Variants in SGCZ observed in about 807,000 individuals in gnomAD.
The protein encoded by SGCZ is sarcoglycan zeta.
In SGCZ, 40 loss-of-function variants were observed where a neutral mutation model predicts 41.3. The ratio of observed to expected loss-of-function variants is 0.97; its 90% confidence interval spans 0.75 to 1.26. The LOEUF is 1.26. Among genes scored for constraint, SGCZ ranks in the 50% most tolerant of loss-of-function variants. The pLI, the probability that SGCZ is intolerant of heterozygous loss-of-function variation, is 0.00. For missense variants in SGCZ, 552 were observed against 369.8 expected, an observed-to-expected ratio of 1.49 and a Z score of -4.04; for synonymous variants, 206 against 137.5, an observed-to-expected ratio of 1.50 and a Z score of -3.49.
At chr8:14,259,592 G>C (rs28742144) in intron 3 of SGCZ, among the ~76,000 whole-genome samples, 24,925 of 105,976 alleles carry the variant, frequency 0.24, 3,587 homozygotes, top group Non-Finnish European at 0.34. Context: ...GCTTGTTTTT[G>C]TCAGGTTTGT....
At chr8:14,335,772 A>C (rs1293697503) in intron 2 of SGCZ, among the ~76,000 whole-genome samples, 1 of 152,054 alleles carries the variant, frequency 6.6e-6, no homozygotes, top group Admixed American at 6.6e-5. Flanking sequence ...CATTTCCTTC[A>C]ACAGTCTTCC....
intron 1 of SGCZ, among the ~76,000 whole-genome samples, chr8:15,169,236 G>A (rs1212510305): frequency 1.3e-5 from 2 of 152,182 alleles, no homozygotes; most frequent in African/African-American, 4.8e-5. Context: ...TCTAAGGGCA[G>A]TTAGATGTAC....
At chr8:14,335,600 C>A (rs959549331) in intron 2 of SGCZ, among the ~76,000 whole-genome samples, 2 of 152,126 alleles carry the variant, frequency 1.3e-5, no homozygotes, top group African/African-American at 2.4e-5. Flanking sequence ...TTAGCTAAAT[C>A]AAGCTCCTGC....
At chr8:14,249,842 C>A (rs1267142402) in intron 3 of SGCZ, among the ~76,000 whole-genome samples, 2 of 152,068 alleles carry the variant, frequency 1.3e-5, no homozygotes, top group African/African-American at 2.4e-5. Flanking sequence ...AGCCCCTGAG[C>A]CTCCTTGCAA....
At chr8:15,182,812 G>A (rs1163827438) in intron 1 of SGCZ, among the ~76,000 whole-genome samples, 1 of 152,014 alleles carries the variant, frequency 6.6e-6, no homozygotes, top group Admixed American at 6.6e-5. Flanking sequence ...CTTTATCAAG[G>A]TTATAATTTT....
intron 2 of SGCZ, among the ~76,000 whole-genome samples, chr8:14,417,594 TG>T (rs1418903499): frequency 2.6e-5 from 4 of 151,842 alleles, no homozygotes; most frequent in Admixed American, 6.6e-5. Flanking sequence ...ATTACCTAAT[TG>T]TCACATAGAA....
chr8:14,229,713 C>T (rs1208600683), intron 4 of SGCZ, among the ~76,000 whole-genome samples: 1 of 151,716 alleles, frequency 6.6e-6, no homozygotes, highest in African/African-American at 2.4e-5. Context: ...AATCCATAAC[C>T]TTCTACTTTT....
chr8:14,996,015 T>C (rs1473544272), intron 1 of SGCZ, among the ~76,000 whole-genome samples: 1 of 152,050 alleles, frequency 6.6e-6, no homozygotes, highest in Non-Finnish European at 1.5e-5. Flanking sequence ...GTGATTCTCC[T>C]GCCTCAGCCT....
At chr8:14,845,685 T>C (rs1231774330) in intron 1 of SGCZ, among the ~76,000 whole-genome samples, 1 of 152,062 alleles carries the variant, frequency 6.6e-6, no homozygotes, top group Non-Finnish European at 1.5e-5. Flanking sequence ...AACTACAACA[T>C]CTTGAATGAA....
intron 1 of SGCZ, among the ~76,000 whole-genome samples, chr8:15,116,201 G>C (rs1393636239): frequency 1.3e-5 from 2 of 152,044 alleles, no homozygotes; most frequent in African/African-American, 4.8e-5. Flanking sequence ...TTAAATGTAA[G>C]CTCTGTATTT....
intron 1 of SGCZ, among the ~76,000 whole-genome samples, chr8:15,069,943 G>GACAC (rs370137866): frequency 6.0e-5 from 9 of 150,168 alleles, no homozygotes; most frequent in Non-Finnish European, 1.2e-4. Context: ...CACACACAAA[G>GACAC]ACACACACAC....
intron 1 of SGCZ, among the ~76,000 whole-genome samples, chr8:14,699,517 G>A (rs1341600046): frequency 6.6e-6 from 1 of 151,682 alleles, no homozygotes; most frequent in African/African-American, 2.4e-5. Flanking sequence ...AAAAACTATA[G>A]AAGAAATTCT....
chr8:14,981,160 G>A (rs1308727456), intron 1 of SGCZ, among the ~76,000 whole-genome samples: 1 of 152,084 alleles, frequency 6.6e-6, no homozygotes, highest in Non-Finnish European at 1.5e-5. Context: ...TCCTCCTAAT[G>A]TGAAACCCTT....
intron 5 of SGCZ, among the ~76,000 whole-genome samples, chr8:14,119,119 G>A (rs1257637808): frequency 6.6e-6 from 1 of 152,090 alleles, no homozygotes; most frequent in South Asian, 2.1e-4. Context: ...GTACCTTGAT[G>A]GGGATAGCAT....
At chr8:14,301,435 A>G (rs949458374) in intron 3 of SGCZ, among the ~76,000 whole-genome samples, 1 of 152,042 alleles carries the variant, frequency 6.6e-6, no homozygotes, top group African/African-American at 2.4e-5. Context: ...ATAACATGAT[A>G]CCTGTTTTAC....
At chr8:14,955,598 G>C (rs1800767055) in intron 1 of SGCZ, among the ~76,000 whole-genome samples, 1 of 152,120 alleles carries the variant, frequency 6.6e-6, no homozygotes. Context: ...AATGTACTGG[G>C]TATATAATGG....
chr8:14,663,843 C>A (rs950122256), intron 1 of SGCZ, among the ~76,000 whole-genome samples: 1 of 152,112 alleles, frequency 6.6e-6, no homozygotes, highest in African/African-American at 2.4e-5. Flanking sequence ...AGTCACATAT[C>A]ATTAGCACTT....
intron 1 of SGCZ, among the ~76,000 whole-genome samples, chr8:15,213,487 T>C (rs940440748): frequency 6.6e-6 from 1 of 151,516 alleles, no homozygotes; most frequent in Admixed American, 6.6e-5. Flanking sequence ...GTATAGGCTT[T>C]TTAGTATCAA....
chr8:14,525,143 CATAGATAGATAGATAGATAG>C lies in SGCZ; in HGVS notation c.234+29569_234+29588del, dbSNP rs35838178. Among the ~76,000 whole-genome samples, 1,017 of 142,748 alleles carry C rather than the reference CATAGATAGATAGATAGATAG, an allele frequency of 7.1e-3. 37 individuals are homozygous for C. The East Asian group carries it at 0.084, about 12-fold the overall frequency. 93.6% of individuals were successfully genotyped at this position (142,748 alleles called of 152,430 possible). A position where few individuals can be genotyped will look rare whatever the true frequency, so the allele number is the denominator to read the frequency against. Reference sequence around the variant, plus strand: ...AGATAGATACATTGATAGATAGACACATAGATAGATAGATAGATAGATAGATAGATAGATAGATAGATAGA... The same window carrying C: ...AGATAGATACATTGATAGATAGACACATAGATAGATAGATAGATAGATAGA... On this transcript the variant is annotated intron_variant, in intron 2 of 7. Coordinates refer to ENST00000382080, the MANE Select transcript of SGCZ (RefSeq NM_139167.4).
Sources: gnomAD v4.1 joint callset for allele counts (sites outside exome capture counted in the v4.1 genomes callset) on GRCh38, gnomAD v4.1.1 for gene constraint, MANE v1.5 for transcripts, NCBI Gene and HGNC (gene_info 2026-07-23, HGNC 2026-07-21) for gene names.